The following MED14 variants were observed in gnomAD, a reference collection of about 807,000 sequenced individuals.
MED14 encodes mediator complex subunit 14, also known as mediator of RNA polymerase II transcription subunit 14.
A neutral mutation model predicts 109.0 loss-of-function variants in MED14; 8 were observed. The observed-to-expected ratio is 0.07, with a 90% confidence interval of 0.04 to 0.13. The LOEUF (loss-of-function observed/expected upper bound fraction) is 0.13. Ranked by LOEUF, MED14 falls within the 10% of genes least tolerant of loss-of-function variation. The pLI, the probability that MED14 is intolerant of heterozygous loss-of-function variation, is 1.00. For missense variants in MED14, 711 were observed against 1,142.4 expected, an observed-to-expected ratio of 0.62 and a Z score of 5.44; for synonymous variants, 399 against 408.7, an observed-to-expected ratio of 0.98 and a Z score of 0.29.
intron 16 of MED14, among the ~76,000 whole-genome samples, chrX:40,687,222 T>C (rs1165717985): frequency 9.0e-6 from 1 of 111,562 alleles, no homozygotes. Context: ...TTGCCCAAGA[T>C]AAAACCAAGA....
intron 16 of MED14, among the ~76,000 whole-genome samples, chrX:40,686,467 T>C (rs1219882334): frequency 9.0e-6 from 1 of 111,659 alleles, no homozygotes; most frequent in Non-Finnish European, 1.9e-5. Flanking sequence ...CCAAATGCAA[T>C]TGGAAGTATT....
chrX:40,683,624 G>A (rs972031739), intron 16 of MED14, among the ~76,000 whole-genome samples: 4 of 111,780 alleles, frequency 3.6e-5, no homozygotes, highest in Non-Finnish European at 5.6e-5. Flanking sequence ...TCAGCCTCCC[G>A]AGTAGCTAGA....
At chrX:40,702,994 T>C (rs1175748172) in intron 11 of MED14, among the ~76,000 whole-genome samples, 1 of 112,097 alleles carries the variant, frequency 8.9e-6, no homozygotes, top group Non-Finnish European at 1.9e-5. Context: ...TAATTTCTAC[T>C]GTGTTTAGGC....
intron 10 of MED14, among the ~76,000 whole-genome samples, chrX:40,704,878 G>A (rs4827042): frequency 0.21 from 22,732 of 110,611 alleles, 1,899 homozygotes; most frequent in African/African-American, 0.31. Context: ...AATGCTTAAT[G>A]AAGCATTTTG....
intron 13 of MED14, among the ~76,000 whole-genome samples, chrX:40,694,727 G>A (rs939171842): frequency 3.6e-5 from 4 of 112,063 alleles, no homozygotes; most frequent in African/African-American, 6.5e-5. Flanking sequence ...GAGGAGCAAC[G>A]AGAACTCTCA....
At chrX:40,713,604 A>ATGCCTG in intron 5 of MED14, among the ~76,000 whole-genome samples, 174 bp downstream of exon 5, 1 of 111,847 alleles carries the variant, frequency 8.9e-6, no homozygotes, top group Admixed American at 9.5e-5. Flanking sequence ...CACCGCACCC[A>ATGCCTG]GCTAATTTTT....
chrX:40,658,113 G>T (rs1360062680), intron 28 of MED14, among the ~76,000 whole-genome samples: 1 of 93,508 alleles, frequency 1.1e-5, no homozygotes, highest in Non-Finnish European at 2.1e-5. Flanking sequence ...GTGTGTGTGA[G>T]ACAGTCTCAC....
intron 21 of MED14, 72 bp from the exon 22 acceptor site, chrX:40,675,433 GA>G (rs1437832323): frequency 3.8e-6 from 3 of 799,417 alleles, no homozygotes; most frequent in Admixed American, 5.1e-5. Flanking sequence ...AAATTATTTA[GA>G]ATATTTAAAC....
Position 40,682,942 on chromosome X carries a change from A to G in MED14, c.2112T>C (p.Ser704=). ...TEETQKALDR[S]LLDCTFRLQG... ...GTAATCGGAAAGTGCAATCAAGAAG[A>G]GAGCGGTCCAGAGCCTTTTGGGTTT... The change falls in exon 17 of 31, where the codon TCT becomes TCC. Residue 704 remains serine (S), a synonymous_variant. Transcript: ENST00000324817. The G allele has an allele frequency of 8.3e-7, 1 of 1,210,130 alleles. No homozygotes were observed. The highest frequency in any genetic ancestry group is 1.1e-6 in the Non-Finnish European group (1 of 894,578).
chrX:40,714,537 C>A lies in MED14; in HGVS notation c.522G>T (p.Arg174Ser). 8.3e-7 allele frequency: 1 copy of A among 1,210,224 alleles called. No individual in the cohort carries two copies. Among genetic ancestry groups the A allele is most frequent in the Non-Finnish European group, 1.1e-6 (1 of 894,779 alleles). ...GSYPRLPTCI[R>S]DKIIPPDPIT... ...ACATGGGGGCAAGCAAAGAACTTAC[C>A]CTAATGCAGGTTGGCAGCCGTGGGT... The change falls in exon 4 of 31, where the codon AGG (arginine) becomes AGT (serine). Residue 174 changes from arginine (R) to serine (S), a missense_variant and splice_region_variant. Around this residue, in one of 8 missense-constraint regions of MED14, gnomAD observed 388 missense variants for 517.3 expected, o/e 0.75. Transcript: ENST00000324817.
intron 28 of MED14, among the ~76,000 whole-genome samples, chrX:40,658,049 C>T (rs1048946139): frequency 9.1e-6 from 1 of 109,922 alleles, no homozygotes; most frequent in Non-Finnish European, 1.9e-5. Flanking sequence ...CCGCCTCAGC[C>T]TTCCAAAGTG....
Position 40,659,513 on chromosome X carries a change from G to A in MED14, c.3779C>T (p.Thr1260Met). 8.3e-7 allele frequency: 1 copy of A among 1,210,685 alleles called. No individual in the cohort carries two copies. Among genetic ancestry groups the A allele is most frequent in the Non-Finnish European group, 1.1e-6 (1 of 894,509 alleles). Residue 1260 changes from threonine to methionine, a missense_variant, in exon 27 of 31, where the codon ACG becomes ATG. Physicochemically the swap from Thr to Met is moderately conservative, Grantham distance 81. Around this residue, in one of 8 missense-constraint regions of MED14, gnomAD observed 54 missense variants for 129.6 expected, o/e 0.42. Coordinates refer to ENST00000324817, the MANE Select transcript of MED14 (RefSeq NM_004229.4). ...RVALSPKTNQ[T>M]LQLKVTPENA... ...TTCAGGTGTCACTTTTAGCTGAAGC[G>A]TTTGGTTGGTTTTGGGACTAAGAGC...
At chrX:40,671,262 G>A (rs1929719872) in intron 23 of MED14, among the ~76,000 whole-genome samples, 1 of 111,390 alleles carries the variant, frequency 9.0e-6, no homozygotes, top group Non-Finnish European at 1.9e-5. Flanking sequence ...CAGAGTAAGT[G>A]CTCAAGAGAT....
At chrX:40,672,679 C>T (rs749603778) in intron 22 of MED14, among the ~76,000 whole-genome samples, 2 of 111,024 alleles carry the variant, frequency 1.8e-5, no homozygotes, top group Non-Finnish European at 3.8e-5. Flanking sequence ...AATACCTTTT[C>T]GGTGCTTATT....
intron 1 of MED14, among the ~76,000 whole-genome samples, chrX:40,733,844 G>A (rs775831490): frequency 8.9e-6 from 1 of 111,972 alleles, no homozygotes; most frequent in Admixed American, 9.4e-5. Context: ...TAGGCATCTG[G>A]ATATAGAGTC....
At chrX:40,664,564 C>A in intron 24 of MED14, 75 bp from the exon 25 acceptor site, 2 of 641,225 alleles carry the variant, frequency 3.1e-6, no homozygotes, top group Non-Finnish European at 4.3e-6. Context: ...GCATTCAAAT[C>A]TTTACACAGT....
chrX:40,664,046 A>T (rs1346719803), intron 25 of MED14, among the ~76,000 whole-genome samples: 2 of 110,917 alleles, frequency 1.8e-5, no homozygotes, highest in African/African-American at 6.6e-5. Flanking sequence ...GATTTAATCA[A>T]TAATGCCTAC....
At chrX:40,735,161 G>T (rs1932211920) in intron 1 of MED14, 37 bp downstream of exon 1, 6 of 1,009,581 alleles carry the variant, frequency 5.9e-6, no homozygotes, top group Non-Finnish European at 6.5e-6. Flanking sequence ...GGCGGGAAGG[G>T]GGGCTGGGGA....
At chrX:40,729,243 C>A (rs769024002) in intron 2 of MED14, 76 bp downstream of exon 2, 29 of 1,016,748 alleles carry the variant, frequency 2.9e-5, no homozygotes, top group Non-Finnish European at 3.8e-5. Flanking sequence ...CAGCCCTACA[C>A]CACCCATACC....
Sources: allele counts gnomAD v4.1 joint callset (sites outside exome capture counted in the v4.1 genomes callset), GRCh38; gene constraint gnomAD v4.1.1; regional missense constraint gnomAD v4.1.1; transcripts MANE v1.5; gene names NCBI Gene and HGNC (gene_info 2026-07-23, HGNC 2026-07-21).